PCSK6: variants seen among roughly 807,000 people sequenced by gnomAD.
The protein encoded by PCSK6 is paired basic amino acid cleaving enzyme 4.
A neutral mutation model predicts 123.3 loss-of-function variants in PCSK6; 85 were observed. That is an observed-to-expected ratio of 0.69 (90% CI 0.58 to 0.83). PCSK6 has a LOEUF of 0.83. Ranked by LOEUF, PCSK6 falls within the 40% of genes least tolerant of loss-of-function variation. The probability of loss-of-function intolerance (pLI) is 0.00; values close to 1 mark genes in which losing one functional copy is unlikely to be tolerated. For synonymous variants in PCSK6, 508 were observed against 516.0 expected, an observed-to-expected ratio of 0.98 and a Z score of 0.21; for missense variants, 1,191 against 1,282.3, an observed-to-expected ratio of 0.93 and a Z score of 1.09.
chr15:101,465,739 C>T (rs1375446210), intron 1 of PCSK6, among the ~76,000 whole-genome samples: 1 of 152,108 alleles, frequency 6.6e-6, no homozygotes, highest in East Asian at 1.9e-4. Context: ...CGTGATGCCG[C>T]ACGGTATTAC....
intron 13 of PCSK6, among the ~76,000 whole-genome samples, chr15:101,356,181 C>T (rs372386108): frequency 2.4e-4 from 37 of 152,186 alleles, no homozygotes; most frequent in African/African-American, 8.2e-4. Context: ...TTCTGCAGGA[C>T]GAGCCATCGC....
At chr15:101,333,896 C>T (rs1027720452) in intron 13 of PCSK6, among the ~76,000 whole-genome samples, 3 of 152,192 alleles carry the variant, frequency 2.0e-5, no homozygotes, top group Non-Finnish European at 4.4e-5. Context: ...ATGTGGCAGC[C>T]CTGTTTCATT....
intron 13 of PCSK6, among the ~76,000 whole-genome samples, chr15:101,361,256 G>T (rs1316846811): frequency 2.1e-5 from 3 of 145,136 alleles, no homozygotes; most frequent in Non-Finnish European, 4.5e-5. Context: ...TTTAAATCTT[G>T]ATTATCTCTC....
At chr15:101,476,817 A>C (rs1349373137) in intron 1 of PCSK6, among the ~76,000 whole-genome samples, 2 of 152,176 alleles carry the variant, frequency 1.3e-5, no homozygotes, top group Non-Finnish European at 2.9e-5. Flanking sequence ...GCAATGTATA[A>C]TTTTTTAAAT....
At chr15:101,479,659 G>A (rs1319108092) in intron 1 of PCSK6, among the ~76,000 whole-genome samples, 1 of 152,210 alleles carries the variant, frequency 6.6e-6, no homozygotes, top group African/African-American at 2.4e-5. Flanking sequence ...AGATAGGTGA[G>A]CAGAACGGTG....
intron 6 of PCSK6, among the ~76,000 whole-genome samples, chr15:101,411,993 C>A (rs1420903840): frequency 6.6e-6 from 1 of 152,190 alleles, no homozygotes; most frequent in Non-Finnish European, 1.5e-5. Context: ...AGGCTCACTG[C>A]TGCTCACAGT....
At chr15:101,431,495 A>C in intron 3 of PCSK6, 32 bp from the exon 4 acceptor site, 1 of 1,612,800 alleles carries the variant, frequency 6.2e-7, no homozygotes, top group Non-Finnish European at 8.5e-7. Flanking sequence ...AGTCCCCCCG[A>C]CATGGACATT....
chr15:101,473,447 C>A (rs1427216479), intron 1 of PCSK6, among the ~76,000 whole-genome samples: 1 of 152,156 alleles, frequency 6.6e-6, no homozygotes, highest in Admixed American at 6.5e-5. Flanking sequence ...AAGAAAGAAT[C>A]AATTTGGTTT....
intron 6 of PCSK6, among the ~76,000 whole-genome samples, chr15:101,425,081 G>C (rs1280338373): frequency 6.6e-6 from 1 of 152,158 alleles, no homozygotes; most frequent in Non-Finnish European, 1.5e-5. Flanking sequence ...ATGAGAGCAG[G>C]GCATGAGGGT....
chr15:101,364,980 C>T (rs1567167160), intron 13 of PCSK6: 15 of 778,026 alleles, frequency 1.9e-5, no homozygotes, highest in Admixed American at 6.8e-5. Context: ...GGAACAGAAT[C>T]GAGAGTGTGG....
At chr15:101,319,992 T>C (rs1268373024) in intron 18 of PCSK6, among the ~76,000 whole-genome samples, 1 of 152,104 alleles carries the variant, frequency 6.6e-6, no homozygotes, top group Non-Finnish European at 1.5e-5. Context: ...GTGGGACTCG[T>C]GATTGACATC....
chr15:101,424,400 C>T (rs1193254936), intron 6 of PCSK6, among the ~76,000 whole-genome samples: 1 of 152,020 alleles, frequency 6.6e-6, no homozygotes. Flanking sequence ...GTTAGAAGGT[C>T]GTGTTCAGCA....
intron 6 of PCSK6, among the ~76,000 whole-genome samples, chr15:101,403,405 A>G (rs1012575588): frequency 1.4e-5 from 2 of 144,214 alleles, no homozygotes; most frequent in African/African-American, 5.1e-5. Context: ...CATGTACCCT[A>G]AAACTTAAAG....
chr15:101,428,067 A>G, intron 5 of PCSK6, 87 bp from the exon 6 acceptor site: 1 of 1,095,342 alleles, frequency 9.1e-7, no homozygotes, highest in Non-Finnish European at 1.3e-6. Flanking sequence ...GCAACAAGAG[A>G]GTCAGTTGTC....
chr15:101,445,482 T>A (rs142738667), intron 1 of PCSK6, among the ~76,000 whole-genome samples: 2 of 152,218 alleles, frequency 1.3e-5, no homozygotes, highest in African/African-American at 4.8e-5. Context: ...TCTGCCATCA[T>A]AAACCTCATT....
rs2056441846 is a variant in PCSK6 at position 101,431,414 on chromosome 15, G to A, written c.563C>T (p.Ala188Val). ...TCCTGTGTAGCCCCTCTTCCACGCT[G>A]CCTGGACATTCATTTCCGACCGGCA... ...SRCRSEMNVQ[A>V]AWKRGYTGKN... is the part of the protein sequence containing the mutation. Residue 188 changes from alanine to valine, a missense_variant, in exon 4 of 22, where the codon GCA (alanine) becomes GTA (valine). Transcript: ENST00000611716. The A allele has an allele frequency of 1.2e-6, 2 of 1,613,778 alleles. No homozygotes were observed.
intron 13 of PCSK6, among the ~76,000 whole-genome samples, chr15:101,339,269 C>T (rs1030781678): frequency 1.3e-5 from 2 of 152,162 alleles, no homozygotes; most frequent in African/African-American, 4.8e-5. Flanking sequence ...AATTCTCCCC[C>T]TATGTCCCCA....
intron 9 of PCSK6, among the ~76,000 whole-genome samples, chr15:101,384,802 T>A (rs2042012709): frequency 6.6e-6 from 1 of 152,230 alleles, no homozygotes; most frequent in African/African-American, 2.4e-5. Flanking sequence ...AATACAACAG[T>A]GCATAAGAGT....
chr15:101,481,992 G>A (rs756741917), intron 1 of PCSK6, among the ~76,000 whole-genome samples: 5 of 152,210 alleles, frequency 3.3e-5, no homozygotes, highest in Non-Finnish European at 7.3e-5. Flanking sequence ...GTCTGTGCGC[G>A]TTCACGCACA....
Sources: gnomAD v4.1 joint callset for allele counts (sites outside exome capture counted in the v4.1 genomes callset) on GRCh38, gnomAD v4.1.1 for gene constraint, MANE v1.5 for transcripts, NCBI Gene and HGNC (gene_info 2026-07-23, HGNC 2026-07-21) for gene names.